The following PIEZO2 variants were observed in gnomAD, a reference collection of about 807,000 sequenced individuals.
PIEZO2 encodes piezo-type mechanosensitive ion channel component 2.
In PIEZO2, 172 loss-of-function variants were observed where a neutral mutation model predicts 337.3. The observed-to-expected ratio is 0.51, with a 90% confidence interval of 0.45 to 0.58. PIEZO2 has a LOEUF of 0.58. Ranked by LOEUF, PIEZO2 falls within the 20% of genes least tolerant of loss-of-function variation. The pLI, the probability that PIEZO2 is intolerant of heterozygous loss-of-function variation, is 0.00. For missense variants in PIEZO2, 3,028 were observed against 3,391.3 expected, an observed-to-expected ratio of 0.89 and a Z score of 2.66; for synonymous variants, 1,251 against 1,228.5, an observed-to-expected ratio of 1.02 and a Z score of -0.38.
intron 7 of PIEZO2, among the ~76,000 whole-genome samples, chr18:10,817,649 C>T (rs575039934): frequency 5.9e-5 from 9 of 152,158 alleles, no homozygotes; most frequent in East Asian, 1.9e-4. Flanking sequence ...TATGGCTGGG[C>T]GCGGTGGCTC....
In PIEZO2 at chr18:10,762,794, G is replaced by C. The variant is rs115603055; in HGVS notation, c.3123+128C>G. The C allele has an allele frequency of 4.5e-6, 6 of 1,332,916 alleles. No individual in the cohort carries two copies. The African/African-American group carries it at 7.4e-5, about 16-fold the overall frequency. 82.6% of individuals were successfully genotyped at this position (1,332,916 alleles called of 1,614,324 possible). A position where few individuals can be genotyped will look rare whatever the true frequency, so the allele number is the denominator to read the frequency against. ...GAGGCTTAACACAGGCCCAGAGCAC[G>C]ACCAGCCAGGGAGAGGTGACTTACA... On this transcript the variant is annotated intron_variant, in intron 22 of 55. Coordinates refer to ENST00000674853, the MANE Select transcript of PIEZO2 (RefSeq NM_001378183.1).
chr18:11,109,911 C>T lies in PIEZO2; in HGVS notation c.64+38614G>A, dbSNP rs540628637. ...TTTATTATAGTCATCTAAAGTGGAA[C>T]GGAAGAATTTATTTTTTAATCAGAA... On this transcript the variant is annotated intron_variant, in intron 1 of 55. Coordinates refer to ENST00000674853, the MANE Select transcript of PIEZO2 (RefSeq NM_001378183.1). This position sits in a 1 kb window ranked among gnomAD's most constrained non-coding sequence, Gnocchi z 5.1. Among the ~76,000 whole-genome samples the T allele has an allele frequency of 8.7e-4, 133 of 152,160 alleles. 1 individual carries two copies. Among genetic ancestry groups the T allele is most frequent in the African/African-American group, 3.0e-3 (125 of 41,492 alleles).
chr18:10,798,965 G>T (rs1214681705), intron 11 of PIEZO2, among the ~76,000 whole-genome samples: 1 of 152,164 alleles, frequency 6.6e-6, no homozygotes, highest in African/African-American at 2.4e-5. Context: ...TGTCATCATG[G>T]GTTGGGTGTG....
chr18:10,809,294 C>G (rs2040107339), intron 7 of PIEZO2, among the ~76,000 whole-genome samples: 1 of 65,112 alleles, frequency 1.5e-5, no homozygotes, highest in Admixed American at 2.3e-4. Context: ...TTTTTTGAGA[C>G]AGAGTCTCAC....
At chr18:10,763,224 C>T in intron 21 of PIEZO2, 126 bp from the exon 22 acceptor site, 1 of 975,888 alleles carries the variant, frequency 1.0e-6, no homozygotes, top group Non-Finnish European at 1.5e-6. Context: ...CTAGCATGCG[C>T]AAGGAATTGC....
Position 10,802,085 on chromosome 18 carries a change from CAAAAAAAAAA to C in PIEZO2, c.1201-667_1201-658del, listed in dbSNP as rs58924448. ...TGGGCGACAGAGCGAGACTCCGTCT[CAAAAAAAAAA>C]AAAAAAAAAAAGAAAGAAAAGAAAA... On this transcript the variant is annotated intron_variant, in intron 9 of 55. Coordinates refer to ENST00000674853, the MANE Select transcript of PIEZO2 (RefSeq NM_001378183.1). Among the ~76,000 whole-genome samples the C allele has an allele frequency of 4.1e-5, 4 of 96,630 alleles. No homozygotes were observed. In the South Asian group the frequency reaches 1.0e-3, roughly 25 times the overall value. 63.4% of individuals were successfully genotyped at this position (96,630 alleles called of 152,430 possible). A position where few individuals can be genotyped will look rare whatever the true frequency, so the allele number is the denominator to read the frequency against.
In PIEZO2 at chr18:11,061,669, G is replaced by A. The variant is rs569652285; in HGVS notation, c.160+4458C>T. On this transcript the variant is annotated intron_variant, in intron 2 of 55. Transcript: ENST00000674853. ...CTCCCATTCACAATTGCTTCAAAGAGAATAAAATACCTAGGAATCCAACTT... is the reference window on the plus strand; with the variant it reads ...CTCCCATTCACAATTGCTTCAAAGAAAATAAAATACCTAGGAATCCAACTT... 4.0e-3 allele frequency among the ~76,000 whole-genome samples: 613 copies of A among 151,890 alleles called. 3 individuals carry two copies. Among genetic ancestry groups the A allele is most frequent in the African/African-American group, 0.014 (593 of 41,444 alleles).
Position 10,834,961 on chromosome 18 carries a change from C to T in PIEZO2, c.917+20392G>A, listed in dbSNP as rs565383339. Among the ~76,000 whole-genome samples, 22 of 152,250 alleles carry T rather than the reference C, an allele frequency of 1.4e-4. No individual in the cohort carries two copies. The South Asian group carries it at 3.5e-3, about 24-fold the overall frequency. On this transcript the variant is annotated intron_variant, in intron 7 of 55. Transcript: ENST00000674853. This position sits in a 1 kb window ranked among gnomAD's most constrained non-coding sequence, Gnocchi z 4.5. ...TCCCCATGTGAAGGTATTAAGAAGT[C>T]GGGCCTTTGAGGGGCGATTAGGTCA...
At chr18:10,701,164 T>C (rs56841108) in intron 43 of PIEZO2, among the ~76,000 whole-genome samples, 10,430 of 152,304 alleles carry the variant, frequency 0.068, 610 homozygotes, top group East Asian at 0.22. Context: ...TAAAATATTT[T>C]ATATAAGAAG....
chr18:10,760,810 C>T (rs1328287776), intron 24 of PIEZO2, 101 bp downstream of exon 24: 4 of 910,802 alleles, frequency 4.4e-6, no homozygotes, highest in Admixed American at 2.4e-5. Flanking sequence ...AGCTATCATG[C>T]CTGCAGATGT....
At chr18:11,006,400 AG>A (rs996125403) in intron 2 of PIEZO2, among the ~76,000 whole-genome samples, 1 of 152,246 alleles carries the variant, frequency 6.6e-6, no homozygotes, top group Admixed American at 6.5e-5. Context: ...TATGTTAATC[AG>A]CACAGCCTTG....
At position 10,715,685 on chromosome 18, in the gene PIEZO2, T is replaced by C; in HGVS notation, c.5221A>G (p.Ile1741Val). The C allele has an allele frequency of 6.5e-7, 1 of 1,536,188 alleles. No individual in the cohort carries two copies. The highest frequency in any genetic ancestry group is 1.4e-5 in the African/African-American group (1 of 73,146). ...EHIDISTVLR[I>V]ERCMLTREIK... ...TCTCTGGTCAGCATGCATCGTTCAA[T>C]TCTCAGAACTGTAGATATATCAATA... is the stretch of plus-strand genomic sequence containing the variant. Residue 1741 changes from isoleucine to valine, a missense_variant, in exon 38 of 56, where the codon ATT becomes GTT. This residue lies in a region of PIEZO2 where 1,925 missense variants were observed against 2,051.9 expected (regional missense o/e 0.94). Coordinates refer to ENST00000674853, the MANE Select transcript of PIEZO2 (RefSeq NM_001378183.1).
At chr18:10,939,279 G>C (rs1274099509) in intron 3 of PIEZO2, among the ~76,000 whole-genome samples, 1 of 152,158 alleles carries the variant, frequency 6.6e-6, no homozygotes, top group Non-Finnish European at 1.5e-5. Flanking sequence ...TACCACAAAA[G>C]TGGTACCTGT....
At chr18:10,879,674 C>T (rs1028821516) in intron 4 of PIEZO2, among the ~76,000 whole-genome samples, 1 of 152,116 alleles carries the variant, frequency 6.6e-6, no homozygotes, top group African/African-American at 2.4e-5. Flanking sequence ...GGATTACAGG[C>T]GTGAGCCACC....
At chr18:10,774,343 G>C (rs992927898) in intron 18 of PIEZO2, among the ~76,000 whole-genome samples, 1 of 152,172 alleles carries the variant, frequency 6.6e-6, no homozygotes, top group African/African-American at 2.4e-5. Flanking sequence ...AAACCATCTT[G>C]CAAGAATCAA....
intron 3 of PIEZO2, among the ~76,000 whole-genome samples, chr18:10,935,310 G>A (rs2032329213): frequency 6.6e-6 from 1 of 152,140 alleles, no homozygotes; most frequent in African/African-American, 2.4e-5. Flanking sequence ...TCACAGTAAT[G>A]AACAAAGAGG....
intron 39 of PIEZO2, among the ~76,000 whole-genome samples, chr18:10,708,698 A>G (rs532114246): frequency 1.3e-5 from 2 of 152,350 alleles, no homozygotes; most frequent in South Asian, 4.1e-4. Context: ...GGGTGGGACT[A>G]AGAAACAGAA....
chr18:10,765,844 G>A (rs201631278), intron 21 of PIEZO2, among the ~76,000 whole-genome samples: 15 of 152,024 alleles, frequency 9.9e-5, no homozygotes, highest in African/African-American at 2.4e-4. Flanking sequence ...TGGGAAGGGC[G>A]GGATGAGTCC....
chr18:11,082,102 G>A (rs374214702), intron 1 of PIEZO2, among the ~76,000 whole-genome samples: 3 of 152,178 alleles, frequency 2.0e-5, no homozygotes, highest in African/African-American at 7.2e-5. Flanking sequence ...CAAAAATGGG[G>A]AGGAAAGTTT....
Sources: gnomAD v4.1 joint callset for allele counts (sites outside exome capture counted in the v4.1 genomes callset) on GRCh38, gnomAD v4.1.1 for gene constraint, gnomAD v4.1.1 regional missense constraint, Gnocchi (gnomAD v3.1) non-coding constraint, MANE v1.5 for transcripts, NCBI Gene and HGNC (gene_info 2026-07-23, HGNC 2026-07-21) for gene names.